Variants in SCRN3 observed in about 807,000 individuals in gnomAD.
The protein encoded by SCRN3 is secernin 3, also known as secernin-3.
SCRN3 carries 39 observed loss-of-function variants against 43.1 expected under a neutral mutation model. The ratio of observed to expected loss-of-function variants is 0.91; its 90% CI spans 0.70 to 1.18. The LOEUF (loss-of-function observed/expected upper bound fraction) is 1.18, where lower values mean the gene tolerates loss of function less well. Ranked by LOEUF, SCRN3 falls within the 50% of genes most tolerant of loss-of-function variation. The pLI, the probability that SCRN3 is intolerant of heterozygous loss-of-function variation, is 0.00. For synonymous variants in SCRN3, 147 were observed against 163.1 expected, an observed-to-expected ratio of 0.90 and a Z score of 0.75; for missense variants, 484 against 498.0, an observed-to-expected ratio of 0.97 and a Z score of 0.27.
chr2:174,415,366 A>T (rs540932951), intron 5 of SCRN3, among the ~76,000 whole-genome samples: 20 of 152,012 alleles, frequency 1.3e-4, no homozygotes, highest in Admixed American at 1.2e-3. Flanking sequence ...CAATTTTAAT[A>T]TTTTTTTTAG....
chr2:174,414,534 T>A (rs1033437637), intron 5 of SCRN3, among the ~76,000 whole-genome samples: 1 of 152,200 alleles, frequency 6.6e-6, no homozygotes, highest in Non-Finnish European at 1.5e-5. Context: ...TCTGTTTCAA[T>A]ATATACAGAA....
chr2:174,401,239 C>T (rs781408827), intron 4 of SCRN3, 50 bp downstream of exon 4: 25 of 1,368,720 alleles, frequency 1.8e-5, no homozygotes, highest in Non-Finnish European at 2.6e-5. Context: ...TAATAAAATA[C>T]ACCCTTACCT....
chr2:174,423,504 C>T (rs1297880827), intron 6 of SCRN3, among the ~76,000 whole-genome samples: 1 of 152,164 alleles, frequency 6.6e-6, no homozygotes, highest in Non-Finnish European at 1.5e-5. Context: ...GAGTCTCGCT[C>T]TGTCACCCAG....
At chr2:174,424,787 TAGAG>T in intron 7 of SCRN3, 138 bp downstream of exon 7, 1 of 593,290 alleles carries the variant, frequency 1.7e-6, no homozygotes, top group Admixed American at 3.3e-5. Flanking sequence ...CAGACTATAG[TAGAG>T]CTGTATTATT....
intron 5 of SCRN3, among the ~76,000 whole-genome samples, chr2:174,412,763 C>T (rs1685964745): frequency 1.3e-5 from 2 of 151,938 alleles, no homozygotes; most frequent in African/African-American, 4.8e-5. Flanking sequence ...TTGGGCCTAC[C>T]CTAAGCTGCA....
chr2:174,398,472 A>T (rs1685400977), intron 2 of SCRN3, 30 bp downstream of exon 2: 3 of 1,550,796 alleles, frequency 1.9e-6, no homozygotes, highest in Non-Finnish European at 2.6e-6. Flanking sequence ...TGTTAGCAAT[A>T]TGCCTTTTAA....
chr2:174,411,591 T>G (rs1033160724), intron 5 of SCRN3, among the ~76,000 whole-genome samples: 1 of 152,180 alleles, frequency 6.6e-6, no homozygotes, highest in African/African-American at 2.4e-5. Context: ...TTTCAAGTTT[T>G]TAAAAAATCG....
At position 174,404,321 on chromosome 2, in the gene SCRN3, T is replaced by G. The variant is rs1327353547; in HGVS notation, c.754+6T>G. ...GCTTCTAAATAAGCACAAAGGTAAT[T>G]TTATCATATAAATAATATTAGGATG... On this transcript the variant is annotated splice_donor_region_variant and intron_variant, in intron 5 of 7. Transcript: ENST00000272732. 10 of 1,590,232 alleles carry G rather than the reference T, an allele frequency of 6.3e-6. No homozygotes were observed. Among genetic ancestry groups the G allele is most frequent in the Non-Finnish European group, 7.8e-6 (9 of 1,160,114 alleles).
intron 5 of SCRN3, among the ~76,000 whole-genome samples, chr2:174,414,102 A>G (rs1217985040): frequency 6.6e-6 from 1 of 152,148 alleles, no homozygotes; most frequent in Non-Finnish European, 1.5e-5. Context: ...TGTTAATTGT[A>G]AAGAGCCTTC....
chr2:174,400,356 G>A (rs766088139), intron 3 of SCRN3, among the ~76,000 whole-genome samples: 80 of 152,072 alleles, frequency 5.3e-4, no homozygotes, highest in Middle Eastern at 3.4e-3. Context: ...GTGTGATCAT[G>A]GCTCACTGTG....
Position 174,412,365 on chromosome 2 carries a change from T to C in SCRN3, c.754+8050T>C, listed in dbSNP as rs186614378. Among the ~76,000 whole-genome samples, 475 of 151,948 alleles carry C rather than the reference T, an allele frequency of 3.1e-3. 1 individual carries two copies. The highest frequency in any genetic ancestry group is 8.5e-3 in the South Asian group (41 of 4,798). ...ATCTCCTGGGAATTTTTTTTTTTTT[T>C]CTGCTTTCTTTCTGTCTTGTCCCAG... On this transcript the variant is annotated intron_variant, in intron 5 of 7. Coordinates refer to ENST00000272732, the MANE Select transcript of SCRN3 (RefSeq NM_024583.5).
At chr2:174,396,238 G>A in intron 1 of SCRN3, 1 of 960,512 alleles carries the variant, frequency 1.0e-6, no homozygotes, top group Non-Finnish European at 1.3e-6. Context: ...TACGGTACTG[G>A]CGCCGAAAGA....
At chr2:174,411,855 A>G (rs1438260916) in intron 5 of SCRN3, among the ~76,000 whole-genome samples, 1 of 152,194 alleles carries the variant, frequency 6.6e-6, no homozygotes, top group Non-Finnish European at 1.5e-5. Flanking sequence ...TGGGAGGCAG[A>G]GGTTGCAATG....
At chr2:174,426,872 G>A (rs772123814) in intron 7 of SCRN3, among the ~76,000 whole-genome samples, 8 of 151,756 alleles carry the variant, frequency 5.3e-5, no homozygotes, top group Non-Finnish European at 8.8e-5. Context: ...TCACTCTGTC[G>A]TCCAGGCTGG....
At chr2:174,406,315 T>A (rs1047365680) in intron 5 of SCRN3, among the ~76,000 whole-genome samples, 2 of 140,844 alleles carry the variant, frequency 1.4e-5, no homozygotes, top group African/African-American at 5.0e-5. Flanking sequence ...TTTTGTATCC[T>A]GAGACTTTGC....
chr2:174,406,240 C>T (rs1261294287), intron 5 of SCRN3, among the ~76,000 whole-genome samples: 1 of 138,894 alleles, frequency 7.2e-6, no homozygotes, highest in African/African-American at 2.5e-5. Context: ...GGAGTTCACT[C>T]ATGATTTGGC....
In SCRN3 at chr2:174,423,100, T is replaced by C. The variant is rs570817462; in HGVS notation, c.917+53T>C. On this transcript the variant is annotated intron_variant, in intron 6 of 7. Coordinates refer to ENST00000272732, the MANE Select transcript of SCRN3 (RefSeq NM_024583.5). ...CAAGGGGTCAGGGGATGGAGTAGAG[T>C]CATTAGTATGTTAATAATTTTGTCA... is the stretch of plus-strand genomic sequence containing the variant. The C allele has an allele frequency of 9.1e-4, 1,278 of 1,407,342 alleles. 3 individuals are homozygous for C. Among genetic ancestry groups the C allele is most frequent in the Non-Finnish European group, 1.2e-3 (1,247 of 1,033,650 alleles). The allele number at this position is 1,407,342 out of a possible 1,614,324, so 87.2% of individuals were successfully genotyped here. A position where few individuals can be genotyped will look rare whatever the true frequency, so the allele number is the denominator to read the frequency against.
chr2:174,400,252 C>T, intron 3 of SCRN3, 149 bp downstream of exon 3: 1 of 550,568 alleles, frequency 1.8e-6, no homozygotes, highest in Non-Finnish European at 3.1e-6. Flanking sequence ...CATGCAATTT[C>T]ATGACTCTCA....
At chr2:174,420,962 C>T in intron 5 of SCRN3, among the ~76,000 whole-genome samples, 1 of 152,212 alleles carries the variant, frequency 6.6e-6, no homozygotes, top group Middle Eastern at 3.4e-3. Context: ...AAGCAACAGC[C>T]TCAAGAAGCT....
Sources: gnomAD v4.1 joint callset for allele counts (sites outside exome capture counted in the v4.1 genomes callset) on GRCh38, gnomAD v4.1.1 for gene constraint, MANE v1.5 for transcripts, NCBI Gene and HGNC (gene_info 2026-07-23, HGNC 2026-07-21) for gene names.